The following NFATC2 variants were observed in gnomAD, a reference collection of about 807,000 sequenced individuals.
NFATC2 encodes the protein nuclear factor of activated T cells 2, also known as nuclear factor of activated T-cells, cytoplasmic 2.
In NFATC2, 22 loss-of-function variants were observed where a neutral mutation model predicts 87.3. The observed-to-expected ratio is 0.25, with a 90% CI of 0.18 to 0.36. The LOEUF (loss-of-function observed/expected upper bound fraction) is 0.36. Among genes scored for constraint, NFATC2 ranks in the 10% least tolerant of loss-of-function variants. The pLI, the probability that NFATC2 is intolerant of heterozygous loss-of-function variation, is 1.00. For synonymous variants in NFATC2, 565 were observed against 542.2 expected (o/e 1.04, Z -0.58); for missense variants, 1,149 against 1,259.1 (o/e 0.91, Z 1.32).
intron 6 of NFATC2, among the ~76,000 whole-genome samples, chr20:51,440,973 C>A (rs1234320914): frequency 6.6e-6 from 1 of 152,186 alleles, no homozygotes; most frequent in Non-Finnish European, 1.5e-5. Context: ...TCCCATGGGG[C>A]AGTAGAATTC....
rs1011967308 is a variant in NFATC2 at position 51,421,559 on chromosome 20, C to T, written c.2722+10508G>A. On this transcript the variant is annotated intron_variant, in intron 9 of 10. Coordinates refer to ENST00000371564, the MANE Select transcript of NFATC2 (RefSeq NM_012340.5). ...ATCGTCGGAAGACAAAAGGGAATGG[C>T]GGGGGCTGTGGACAGAGCAAGTGGA... Among the ~76,000 whole-genome samples the T allele has an allele frequency of 7.2e-5, 11 of 152,156 alleles. No individual in the cohort carries two copies. The East Asian group carries it at 9.6e-4, about 13-fold the overall frequency.
intron 1 of NFATC2, among the ~76,000 whole-genome samples, chr20:51,554,702 G>A (rs1241667221): frequency 1.3e-5 from 2 of 152,106 alleles, no homozygotes; most frequent in African/African-American, 2.4e-5. Flanking sequence ...GACTTGCAAA[G>A]TCACACGTGC....
chr20:51,454,017 AAT>A (rs1986113413), intron 6 of NFATC2, among the ~76,000 whole-genome samples: 1 of 152,250 alleles, frequency 6.6e-6, no homozygotes. Context: ...ACAAGTAGCC[AAT>A]ATTAATTGGC....
Position 51,523,234 on chromosome 20 carries a change from G to C in NFATC2, c.1007C>G (p.Pro336Arg). 2 of 1,613,680 alleles carry C rather than the reference G, an allele frequency of 1.2e-6. No homozygotes were observed. Among genetic ancestry groups the C allele is most frequent in the Non-Finnish European group, 8.5e-7 (1 of 1,179,722 alleles). Residue 336 changes from proline to arginine, a missense_variant, in exon 2 of 11, where the codon CCA becomes CGA. Pro to Arg is a moderately radical substitution (Grantham distance 103). This residue lies in a region of NFATC2 where 563 missense variants were observed against 585.2 expected (regional missense o/e 0.96). Coordinates refer to ENST00000371564, the MANE Select transcript of NFATC2 (RefSeq NM_012340.5). The surrounding 1 kb of genome is among the most constrained non-coding windows in gnomAD (Gnocchi z 6.9). The part of the protein sequence containing the change: ...SPDPSPVSAA[P>R]SKAGLPRHIY... ...GTGGCGAGGCAGGCCGGCCTTGGATGGGGCGGCAGACACCGGCGAGGGGTC... is the reference window on the plus strand; with the variant it reads ...GTGGCGAGGCAGGCCGGCCTTGGATCGGGCGGCAGACACCGGCGAGGGGTC...
chr20:51,524,181 A>G lies in NFATC2; in HGVS notation c.131-71T>C, dbSNP rs1376415750. On this transcript the variant is annotated intron_variant, in intron 1 of 10. Coordinates refer to ENST00000371564, the MANE Select transcript of NFATC2 (RefSeq NM_012340.5). The surrounding 1 kb of genome is among the most constrained non-coding windows in gnomAD (Gnocchi z 4.0). ...AGAACTCCCGGTGCAGAGCAATCACAGGCTGGATTTCGTCTCACGTCGTTT... is the reference window on the plus strand; with the variant it reads ...AGAACTCCCGGTGCAGAGCAATCACGGGCTGGATTTCGTCTCACGTCGTTT... The G allele has an allele frequency of 7.6e-7, 1 of 1,323,000 alleles. No individual in the cohort carries two copies. The highest frequency in any genetic ancestry group is 9.9e-7 in the Non-Finnish European group (1 of 1,013,810). 82.0% of individuals were successfully genotyped at this position (1,323,000 alleles called of 1,614,324 possible). A position where few individuals can be genotyped will look rare whatever the true frequency, so the allele number is the denominator to read the frequency against.
intron 1 of NFATC2, among the ~76,000 whole-genome samples, chr20:51,539,757 C>T (rs769237871): frequency 3.9e-5 from 6 of 152,150 alleles, no homozygotes; most frequent in Non-Finnish European, 5.9e-5. Flanking sequence ...CCTCGACTTC[C>T]CAAATTGTTG....
chr20:51,528,786 G>C (rs146363394), intron 1 of NFATC2, among the ~76,000 whole-genome samples: 1 of 152,306 alleles, frequency 6.6e-6, no homozygotes, highest in East Asian at 1.9e-4. Context: ...GAAATGAAGA[G>C]TGCAGTCCTG....
chr20:51,396,568 C>T (rs1270127393), intron 10 of NFATC2, among the ~76,000 whole-genome samples: 1 of 152,104 alleles, frequency 6.6e-6, no homozygotes, highest in Non-Finnish European at 1.5e-5. Context: ...TGAGTGCCCA[C>T]GAGAGCCTGG....
intron 6 of NFATC2, among the ~76,000 whole-genome samples, chr20:51,448,534 C>T (rs1985368151): frequency 6.6e-6 from 1 of 152,188 alleles, no homozygotes; most frequent in South Asian, 2.1e-4. Context: ...GTCCCAGCTA[C>T]TCAGGAGGCT....
rs1379133375 is a variant in NFATC2, at chr20:51,480,279, C to T, written c.1333-4619G>A. Among the ~76,000 whole-genome samples the T allele has an allele frequency of 3.5e-5, 4 of 115,712 alleles. No homozygotes were observed. In the East Asian group the frequency reaches 6.1e-4, roughly 18 times the overall value. The allele number at this position is 115,712 out of a possible 152,430, so 75.9% of individuals were successfully genotyped here. On this transcript the variant is annotated intron_variant, in intron 3 of 10. Coordinates refer to ENST00000371564, the MANE Select transcript of NFATC2 (RefSeq NM_012340.5). The surrounding 1 kb of genome is among the most constrained non-coding windows in gnomAD (Gnocchi z 4.2). ...CTCCCGCCTGGGTCACAAAGCAAGA[C>T]TCTGTCTCAAAAAAAATAGAATGTG...
upstream of NFATC2, among the ~76,000 whole-genome samples, chr20:51,543,464 G>A (rs1439721752): frequency 6.6e-6 from 1 of 152,224 alleles, no homozygotes; most frequent in Non-Finnish European, 1.5e-5. Flanking sequence ...TCTCTGAGGA[G>A]GTGACATTTG....
At chr20:51,456,660 C>T (rs1361050338) in intron 5 of NFATC2, among the ~76,000 whole-genome samples, 1 of 152,244 alleles carries the variant, frequency 6.6e-6, no homozygotes, top group African/African-American at 2.4e-5. Context: ...AGTCTGAGCT[C>T]TTGGCATTCC....
intron 5 of NFATC2, among the ~76,000 whole-genome samples, chr20:51,471,149 T>C (rs1988165021): frequency 1.3e-5 from 2 of 152,190 alleles, no homozygotes; most frequent in Non-Finnish European, 2.9e-5. Flanking sequence ...TGGAGGTACA[T>C]GTGGTTAAGC....
chr20:51,420,571 G>T (rs1980725778), intron 9 of NFATC2, among the ~76,000 whole-genome samples: 1 of 151,964 alleles, frequency 6.6e-6, no homozygotes, highest in South Asian at 2.1e-4. Context: ...AACCAAAAAA[G>T]GATCTTATTA....
intron 3 of NFATC2, among the ~76,000 whole-genome samples, chr20:51,483,897 C>G (rs1446625507): frequency 6.6e-6 from 1 of 151,448 alleles, no homozygotes; most frequent in East Asian, 2.0e-4. Flanking sequence ...CCACCCCTCT[C>G]CCTCCACCTA....
intron 3 of NFATC2, among the ~76,000 whole-genome samples, chr20:51,505,077 G>A (rs1363528950): frequency 1.0e-4 from 14 of 136,456 alleles, no homozygotes; most frequent in Admixed American, 8.0e-4. Context: ...GCAGTGGTGC[G>A]GTCTCAGCTC....
At chr20:51,521,076 C>T (rs1338386536) in intron 2 of NFATC2, among the ~76,000 whole-genome samples, 1 of 151,830 alleles carries the variant, frequency 6.6e-6, no homozygotes, top group Non-Finnish European at 1.5e-5. Context: ...AAGGCCTGCA[C>T]ACAGGCACCT....
intron 9 of NFATC2, among the ~76,000 whole-genome samples, chr20:51,400,567 G>A (rs1021028493): frequency 5.3e-5 from 8 of 152,168 alleles, no homozygotes; most frequent in South Asian, 4.2e-4. Context: ...TGATGGCTCC[G>A]TCTGCAGCAT....
At chr20:51,478,985 C>T (rs1205071767) in intron 3 of NFATC2, among the ~76,000 whole-genome samples, 1 of 152,192 alleles carries the variant, frequency 6.6e-6, no homozygotes, top group Admixed American at 6.5e-5. Flanking sequence ...GCTCTTTAGG[C>T]ATTACAAGAA....
Sources: allele counts gnomAD v4.1 joint callset (sites outside exome capture counted in the v4.1 genomes callset), GRCh38; gene constraint gnomAD v4.1.1; regional missense constraint gnomAD v4.1.1; non-coding constraint Gnocchi (gnomAD v3.1); transcripts MANE v1.5; gene names NCBI Gene and HGNC (gene_info 2026-07-23, HGNC 2026-07-21).